The following AGBL1 variants were observed in gnomAD, a reference collection of about 807,000 sequenced individuals.
AGBL1 encodes the protein AGBL carboxypeptidase 1.
Under a neutral mutation model 118.9 loss-of-function variants are expected in AGBL1, and 130 were observed. That is an observed-to-expected ratio of 1.09 (90% CI 0.95 to 1.26). The LOEUF (loss-of-function observed/expected upper bound fraction) is 1.26, where lower values mean the gene tolerates loss of function less well. Ranked by LOEUF, AGBL1 falls within the 50% of genes most tolerant of loss-of-function variation. AGBL1 has a pLI of 0.00. For synonymous variants in AGBL1, 555 were observed against 478.9 expected (o/e 1.16, Z -2.08); for missense variants, 1,584 against 1,298.1 (o/e 1.22, Z -3.38).
chr15:86,139,089 G>A (rs2076927208), intron 1 of AGBL1, among the ~76,000 whole-genome samples: 1 of 152,126 alleles, frequency 6.6e-6, no homozygotes, highest in Non-Finnish European at 1.5e-5. Flanking sequence ...GTGTGGACTT[G>A]GAGTTTCAGA....
At chr15:86,848,920 A>C (rs2079357196) in intron 22 of AGBL1, among the ~76,000 whole-genome samples, 1 of 152,156 alleles carries the variant, frequency 6.6e-6, no homozygotes, top group Non-Finnish European at 1.5e-5. Context: ...TTTACAAATT[A>C]CCACCCCTTT....
chr15:86,162,574 C>G (rs2077282327), intron 5 of AGBL1, among the ~76,000 whole-genome samples: 1 of 152,190 alleles, frequency 6.6e-6, no homozygotes, highest in African/African-American at 2.4e-5. Context: ...CTCCACTTCC[C>G]AAATACCCAC....
chr15:86,777,671 A>G (rs984990242), intron 22 of AGBL1, among the ~76,000 whole-genome samples: 14 of 152,170 alleles, frequency 9.2e-5, no homozygotes, highest in Non-Finnish European at 1.8e-4. Context: ...TTTTACATTC[A>G]GGCCAAACAT....
intron 18 of AGBL1, among the ~76,000 whole-genome samples, chr15:86,449,196 A>G (rs1158336181): frequency 2.0e-5 from 3 of 152,212 alleles, no homozygotes; most frequent in Non-Finnish European, 2.9e-5. Context: ...GGTAATAACA[A>G]CAAAACAACG....
chr15:86,184,971 A>T (rs1597508893), intron 5 of AGBL1, among the ~76,000 whole-genome samples: 2 of 152,216 alleles, frequency 1.3e-5, no homozygotes, highest in East Asian at 3.8e-4. Flanking sequence ...CAGAGTGAAC[A>T]GGCAACCTAC....
chr15:86,795,523 A>G lies in AGBL1; in HGVS notation c.3159-111564A>G, dbSNP rs184522074. ...AGTTCAACTCTCCTATCTAAGTGAC[A>G]CTGCCCTTCCTCATCCAGCCCCTCA... On this transcript the variant is annotated intron_variant, in intron 22 of 22. Transcript: ENST00000614907. Among the ~76,000 whole-genome samples, 245 of 151,444 alleles carry G rather than the reference A, an allele frequency of 1.6e-3. 1 individual carries two copies. The highest frequency in any genetic ancestry group is 5.7e-3 in the African/African-American group (234 of 41,270).
At chr15:86,372,309 T>TTTCCCTCC (rs2141945484) in intron 17 of AGBL1, among the ~76,000 whole-genome samples, 1 of 152,330 alleles carries the variant, frequency 6.6e-6, no homozygotes, top group East Asian at 1.9e-4. Flanking sequence ...TTTCCCCTTC[T>TTTCCCTCC]TTCCCTCCTT....
intron 22 of AGBL1, among the ~76,000 whole-genome samples, chr15:86,702,617 T>C (rs1237492444): frequency 1.3e-5 from 2 of 152,130 alleles, no homozygotes; most frequent in Admixed American, 1.3e-4. Context: ...TCCACTTCCT[T>C]CTTTCCAGTC....
At chr15:86,791,495 C>G (rs1343152239) in intron 22 of AGBL1, among the ~76,000 whole-genome samples, 1 of 152,028 alleles carries the variant, frequency 6.6e-6, no homozygotes, top group Non-Finnish European at 1.5e-5. Flanking sequence ...ACAATGGCCT[C>G]AGTCTTTTTC....
chr15:86,968,741 G>C (rs909598969), intron 23 of AGBL1, among the ~76,000 whole-genome samples: 1 of 151,850 alleles, frequency 6.6e-6, no homozygotes, highest in African/African-American at 2.4e-5. Flanking sequence ...GCTTAGACTA[G>C]GTAATTTATA....
intron 18 of AGBL1, among the ~76,000 whole-genome samples, chr15:86,477,138 T>A (rs1207129023): frequency 2.6e-5 from 4 of 151,960 alleles, no homozygotes; most frequent in Non-Finnish European, 5.9e-5. Flanking sequence ...AGGAAAGATC[T>A]AAAACTGACA....
At chr15:86,635,300 C>CCCTCCTCCT (rs567443527) in intron 21 of AGBL1, among the ~76,000 whole-genome samples, 33 of 46,398 alleles carry the variant, frequency 7.1e-4, no homozygotes, top group East Asian at 1.1e-3. Flanking sequence ...CCTCCCCCTC[C>CCCTCCTCCT]CCTCCTCCTC....
At chr15:86,977,062 T>A (rs2081183423) in intron 23 of AGBL1, among the ~76,000 whole-genome samples, 1 of 152,030 alleles carries the variant, frequency 6.6e-6, no homozygotes, top group Non-Finnish European at 1.5e-5. Flanking sequence ...CTTTTATTGT[T>A]CTCTTCAGGT....
At chr15:86,980,777 T>C (rs2081224153) in intron 23 of AGBL1, among the ~76,000 whole-genome samples, 1 of 151,964 alleles carries the variant, frequency 6.6e-6, no homozygotes, top group South Asian at 2.1e-4. Context: ...AAAACTCAAA[T>C]TATATATTAT....
chr15:86,951,235 C>G (rs1485077741), intron 23 of AGBL1, among the ~76,000 whole-genome samples: 6 of 152,322 alleles, frequency 3.9e-5, no homozygotes, highest in Middle Eastern at 6.8e-3. Flanking sequence ...GCTAGTGGAA[C>G]TATGAACTGG....
intron 5 of AGBL1, among the ~76,000 whole-genome samples, chr15:86,160,524 C>G (rs1038346814): frequency 6.6e-6 from 1 of 152,224 alleles, no homozygotes; most frequent in African/African-American, 2.4e-5. Context: ...CATCTCATGT[C>G]CATTTGGACA....
chr15:86,183,872 G>C (rs545112163), intron 5 of AGBL1, among the ~76,000 whole-genome samples: 3 of 152,176 alleles, frequency 2.0e-5, no homozygotes, highest in Non-Finnish European at 4.4e-5. Context: ...AAGAGGGAAC[G>C]TGGAAAATGA....
intron 17 of AGBL1, among the ~76,000 whole-genome samples, chr15:86,317,557 A>T (rs2080034378): frequency 6.6e-6 from 1 of 152,208 alleles, no homozygotes. Flanking sequence ...CACAATGAGG[A>T]AATAAAACTT....
intron 22 of AGBL1, among the ~76,000 whole-genome samples, chr15:86,887,290 C>G (rs188954185): frequency 7.3e-4 from 111 of 152,202 alleles, no homozygotes; most frequent in African/African-American, 2.4e-3. Flanking sequence ...ATTTATCTAT[C>G]AAATCGATCT....
Sources: gnomAD v4.1 joint callset for allele counts (sites outside exome capture counted in the v4.1 genomes callset) on GRCh38, gnomAD v4.1.1 for gene constraint, MANE v1.5 for transcripts, NCBI Gene and HGNC (gene_info 2026-07-23, HGNC 2026-07-21) for gene names.